GPC5: variants seen among roughly 807,000 people sequenced by gnomAD.
GPC5 encodes the protein glypican-5.
A neutral mutation model predicts 53.9 loss-of-function variants in GPC5; 47 were observed. The observed-to-expected ratio is 0.87, with a 90% CI of 0.69 to 1.11. GPC5 has a LOEUF of 1.11. Among genes scored for constraint, GPC5 ranks in the 50% most tolerant of loss-of-function variants. The pLI is 0.00. For missense variants in GPC5, 748 were observed against 713.1 expected, an observed-to-expected ratio of 1.05 and a Z score of -0.56; for synonymous variants, 286 against 263.3, an observed-to-expected ratio of 1.09 and a Z score of -0.84.
intron 6 of GPC5, among the ~76,000 whole-genome samples, chr13:92,115,731 A>T (rs1362442575): frequency 6.6e-6 from 1 of 152,122 alleles, no homozygotes; most frequent in Non-Finnish European, 1.5e-5. Context: ...ACTGTGACAT[A>T]TTGAAATTCA....
At chr13:91,528,766 G>C (rs1200321306) in intron 2 of GPC5, among the ~76,000 whole-genome samples, 1 of 152,194 alleles carries the variant, frequency 6.6e-6, no homozygotes, top group African/African-American at 2.4e-5. Context: ...CATGGCTTGG[G>C]AGGCCTCAGG....
chr13:92,166,956 T>TCTCACACACA (rs1415930136), intron 7 of GPC5, among the ~76,000 whole-genome samples: 1 of 84,814 alleles, frequency 1.2e-5, no homozygotes, highest in South Asian at 5.4e-4. Flanking sequence ...TCTCTCTCTC[T>TCTCACACACA]CACACACACA....
chr13:91,800,765 GGC>G (rs1180265803), intron 5 of GPC5, among the ~76,000 whole-genome samples: 1 of 151,932 alleles, frequency 6.6e-6, no homozygotes, highest in East Asian at 1.9e-4. Context: ...GGGTACACTT[GGC>G]AGATTTTTAG....
chr13:92,623,086 A>C (rs1394580250), intron 7 of GPC5, among the ~76,000 whole-genome samples: 1 of 151,890 alleles, frequency 6.6e-6, no homozygotes, highest in Non-Finnish European at 1.5e-5. Flanking sequence ...GGATGGCTTG[A>C]GCCTGGGAGG....
At chr13:92,153,780 G>T (rs1045763518) in intron 7 of GPC5, among the ~76,000 whole-genome samples, 1 of 152,032 alleles carries the variant, frequency 6.6e-6, no homozygotes, top group Admixed American at 6.6e-5. Context: ...TTTTCTTCAC[G>T]TTCACTGATT....
At chr13:92,736,217 C>G (rs1888931059) in intron 7 of GPC5, among the ~76,000 whole-genome samples, 1 of 152,004 alleles carries the variant, frequency 6.6e-6, no homozygotes, top group Non-Finnish European at 1.5e-5. Context: ...TTTTAATAAG[C>G]TAATAGTCTC....
intron 7 of GPC5, among the ~76,000 whole-genome samples, chr13:92,753,709 C>T: frequency 6.6e-6 from 1 of 151,526 alleles, no homozygotes; most frequent in East Asian, 1.9e-4. Flanking sequence ...CCGATGCGAT[C>T]AACTGGAAGA....
intron 2 of GPC5, among the ~76,000 whole-genome samples, chr13:91,673,991 C>G (rs987496742): frequency 4.6e-5 from 7 of 152,110 alleles, no homozygotes; most frequent in Non-Finnish European, 1.0e-4. Flanking sequence ...ACAGATGTCC[C>G]AGACTAATAT....
At chr13:91,933,454 AG>A (rs2039840948) in intron 6 of GPC5, among the ~76,000 whole-genome samples, 2 of 152,026 alleles carry the variant, frequency 1.3e-5, no homozygotes, top group Non-Finnish European at 2.9e-5. Flanking sequence ...GAAAGATAAA[AG>A]AGTTCCATTT....
intron 4 of GPC5, among the ~76,000 whole-genome samples, chr13:91,743,726 C>G (rs1031594953): frequency 1.3e-5 from 2 of 152,108 alleles, no homozygotes; most frequent in African/African-American, 2.4e-5. Flanking sequence ...CTTCCTTTCC[C>G]TTTTTCATCT....
At chr13:91,559,120 G>T (rs1198021807) in intron 2 of GPC5, among the ~76,000 whole-genome samples, 1 of 152,036 alleles carries the variant, frequency 6.6e-6, no homozygotes, top group Non-Finnish European at 1.5e-5. Context: ...GTTTGGTCAT[G>T]CTCTAGGATT....
intron 4 of GPC5, among the ~76,000 whole-genome samples, chr13:91,755,719 A>G (rs1263916074): frequency 6.6e-6 from 1 of 152,086 alleles, no homozygotes; most frequent in Non-Finnish European, 1.5e-5. Flanking sequence ...TGCTTCTGAA[A>G]TATCTTACAT....
At chr13:92,008,371 T>TTA (rs1413463040) in intron 6 of GPC5, among the ~76,000 whole-genome samples, 6 of 152,140 alleles carry the variant, frequency 3.9e-5, no homozygotes, top group African/African-American at 1.4e-4. Context: ...CGAAAATGTT[T>TTA]TATATTTACC....
intron 6 of GPC5, among the ~76,000 whole-genome samples, chr13:92,003,325 C>CAA (rs57075719): frequency 0.042 from 4,197 of 100,072 alleles, 77 homozygotes; most frequent in Non-Finnish European, 0.063. Context: ...TGTCTTAACA[C>CAA]AAAAAAAAAA....
intron 3 of GPC5, among the ~76,000 whole-genome samples, chr13:91,721,315 A>G (rs980711871): frequency 2.0e-5 from 3 of 151,890 alleles, no homozygotes; most frequent in African/African-American, 7.3e-5. Context: ...TTGTGTTTTT[A>G]GTAGAGATAG....
chr13:91,496,194 G>T (rs536381001), intron 2 of GPC5, among the ~76,000 whole-genome samples: 1 of 152,106 alleles, frequency 6.6e-6, no homozygotes, highest in African/African-American at 2.4e-5. Context: ...AATTATAAAC[G>T]ATTTCAACAT....
chr13:92,094,372 T>C (rs1318197480), intron 6 of GPC5, among the ~76,000 whole-genome samples: 1 of 151,580 alleles, frequency 6.6e-6, no homozygotes, highest in Non-Finnish European at 1.5e-5. Flanking sequence ...AAAACAAAAT[T>C]AGCCAGGTGT....
intron 7 of GPC5, among the ~76,000 whole-genome samples, chr13:92,716,510 C>T (rs1888330805): frequency 6.6e-6 from 1 of 151,700 alleles, no homozygotes; most frequent in African/African-American, 2.4e-5. Flanking sequence ...TTGTAATGGC[C>T]ATTTGTTTTT....
intron 7 of GPC5, among the ~76,000 whole-genome samples, chr13:92,786,873 G>C (rs1038632713): frequency 6.6e-6 from 1 of 152,092 alleles, no homozygotes; most frequent in Non-Finnish European, 1.5e-5. Context: ...AGAATGGAGG[G>C]AGCCAGATAC....
Sources: allele counts gnomAD v4.1 joint callset (sites outside exome capture counted in the v4.1 genomes callset), GRCh38; gene constraint gnomAD v4.1.1; transcripts MANE v1.5; gene names NCBI Gene and HGNC (gene_info 2026-07-23, HGNC 2026-07-21).